PPIL4: variants seen among roughly 807,000 people sequenced by gnomAD.
PPIL4 encodes peptidyl-prolyl cis-trans isomerase-like 4.
Under a neutral mutation model 69.1 loss-of-function variants are expected in PPIL4, and 50 were observed. The ratio of observed to expected loss-of-function variants is 0.72; its 90% CI spans 0.58 to 0.92. The LOEUF is 0.92. PPIL4 is among the 40% of genes least tolerant of loss of function. PPIL4 has a pLI of 0.00. For missense variants in PPIL4, 480 were observed against 587.9 expected, an observed-to-expected ratio of 0.82 and a Z score of 1.90; for synonymous variants, 193 against 191.6, an observed-to-expected ratio of 1.01 and a Z score of -0.06.
chr6:149,508,012 G>A (rs781270677), intron 12 of PPIL4, among the ~76,000 whole-genome samples: 2 of 152,182 alleles, frequency 1.3e-5, no homozygotes, highest in Non-Finnish European at 2.9e-5. Context: ...ATGTATGAAG[G>A]GGAAAAGTTA....
chr6:149,523,890 C>A (rs1198916501), intron 9 of PPIL4, among the ~76,000 whole-genome samples: 1 of 152,198 alleles, frequency 6.6e-6, no homozygotes. Flanking sequence ...GGTCTTTCTG[C>A]TGGCACCAAT....
intron 12 of PPIL4, among the ~76,000 whole-genome samples, chr6:149,509,334 C>G (rs1776808683): frequency 6.6e-6 from 1 of 151,724 alleles, no homozygotes; most frequent in Non-Finnish European, 1.5e-5. Flanking sequence ...AAGACTCACA[C>G]AAAAAAAACA....
chr6:149,539,188 TATG>T (rs1777323967), intron 4 of PPIL4, among the ~76,000 whole-genome samples: 1 of 152,174 alleles, frequency 6.6e-6, no homozygotes, highest in Non-Finnish European at 1.5e-5. Context: ...GTGAAGATGC[TATG>T]ATAACTGTTG....
rs887560777 is a variant in PPIL4 at position 149,505,205 on chromosome 6, T to C, written c.*248A>G. The C allele has an allele frequency of 2.8e-6, 1 of 359,790 alleles. No individual in the cohort carries two copies. The highest frequency in any genetic ancestry group is 2.1e-5 in the African/African-American group (1 of 47,030). The allele number at this position is 359,790 out of a possible 1,614,324, so 22.3% of individuals were successfully genotyped here. A position where few individuals can be genotyped will look rare whatever the true frequency, so the allele number is the denominator to read the frequency against. ...TACTTCATTAAAAAAAGAGTGAAAA[T>C]GTAAGACTTCAAAAATGAAGACTAC... is the stretch of plus-strand genomic sequence containing the variant. On this transcript the variant is annotated 3_prime_UTR_variant, in exon 13 of 13. Coordinates refer to ENST00000253329, the MANE Select transcript of PPIL4 (RefSeq NM_139126.4).
At chr6:149,532,437 T>C (rs946670680) in intron 7 of PPIL4, among the ~76,000 whole-genome samples, 15 of 152,244 alleles carry the variant, frequency 9.9e-5, no homozygotes, top group Non-Finnish European at 1.3e-4. Flanking sequence ...CTTTCAAGTG[T>C]AGTAATTCTC....
chr6:149,514,601 C>T (rs966545609), intron 11 of PPIL4, among the ~76,000 whole-genome samples: 17 of 152,060 alleles, frequency 1.1e-4, no homozygotes, highest in African/African-American at 3.9e-4. Flanking sequence ...GGATTACAGG[C>T]ATGAGCCACT....
chr6:149,536,704 G>A (rs1200521108), intron 4 of PPIL4, among the ~76,000 whole-genome samples: 2 of 149,190 alleles, frequency 1.3e-5, no homozygotes, highest in East Asian at 3.9e-4. Context: ...TGAAGTTTAA[G>A]GAAAGAGGCC....
intron 9 of PPIL4, among the ~76,000 whole-genome samples, chr6:149,524,437 G>A (rs899734841): frequency 2.0e-5 from 3 of 152,168 alleles, no homozygotes; most frequent in Admixed American, 1.3e-4. Flanking sequence ...AGAAAGAACG[G>A]TTAACTAAAC....
intron 4 of PPIL4, among the ~76,000 whole-genome samples, chr6:149,539,376 G>A (rs372462796): frequency 2.1e-4 from 32 of 152,052 alleles, no homozygotes; most frequent in African/African-American, 7.5e-4. Context: ...GCAGACTTCT[G>A]TTGTCTTATT....
chr6:149,534,827 CTATTT>C (rs929248917), intron 5 of PPIL4, 53 bp from the exon 6 acceptor site: 35 of 1,099,220 alleles, frequency 3.2e-5, no homozygotes, highest in South Asian at 9.2e-5. Flanking sequence ...TTTCAGAATC[CTATTT>C]TATTTTAATA....
intron 11 of PPIL4, among the ~76,000 whole-genome samples, chr6:149,513,412 A>AAAAAAAAAAAAAT (rs1554215970): frequency 1.8e-5 from 1 of 55,326 alleles, no homozygotes; most frequent in Non-Finnish European, 3.0e-5. Context: ...AAAAAAAAAA[A>AAAAAAAAAAAAAT]ATATATATAT....
Position 149,505,229 on chromosome 6 carries a change from A to G in PPIL4, c.*224T>C. 2 of 414,992 alleles carry G rather than the reference A, an allele frequency of 4.8e-6. No individual in the cohort carries two copies. 25.7% of individuals were successfully genotyped at this position (414,992 alleles called of 1,614,324 possible). ...ATGTAAGACTTCAAAAATGAAGACT[A>G]CCATTTATGTATAACAATAAAATTA... On this transcript the variant is annotated 3_prime_UTR_variant, in exon 13 of 13. Transcript: ENST00000253329.
intron 1 of PPIL4, among the ~76,000 whole-genome samples, chr6:149,542,557 G>GCTTA (rs1419509814): frequency 6.6e-6 from 1 of 152,138 alleles, no homozygotes; most frequent in African/African-American, 2.4e-5. Context: ...CCCTCAAAAA[G>GCTTA]CTTACATTAA....
At chr6:149,505,886 G>T (rs956665684) in intron 12 of PPIL4, among the ~76,000 whole-genome samples, 182 bp from the exon 13 acceptor site, 1 of 152,146 alleles carries the variant, frequency 6.6e-6, no homozygotes. Flanking sequence ...TCAGAAAAAG[G>T]TTTAACAACG....
intron 8 of PPIL4, 116 bp from the exon 9 acceptor site, chr6:149,525,325 C>A: frequency 3.6e-6 from 2 of 549,258 alleles, no homozygotes; most frequent in South Asian, 2.6e-5. Context: ...AAGTTAAATT[C>A]ATAGATTATT....
intron 8 of PPIL4, among the ~76,000 whole-genome samples, chr6:149,525,891 G>C (rs549358740): frequency 6.6e-6 from 1 of 152,250 alleles, no homozygotes; most frequent in Admixed American, 6.5e-5. Context: ...ACAAGGTCAG[G>C]AGCTCGAGAC....
At chr6:149,513,334 G>A (rs1334468706) in intron 11 of PPIL4, among the ~76,000 whole-genome samples, 8 of 131,870 alleles carry the variant, frequency 6.1e-5, no homozygotes, top group African/African-American at 1.7e-4. Flanking sequence ...TTTGTGAGCC[G>A]AGGTTGCACT....
rs182975775 is a variant in PPIL4, at chr6:149,535,280, C to T, written c.464+316G>A. 9.2e-4 allele frequency among the ~76,000 whole-genome samples: 140 copies of T among 152,212 alleles called. 1 individual carries two copies. Among genetic ancestry groups the T allele is most frequent in the South Asian group, 2.3e-3 (11 of 4,828 alleles). ...CTAAGGCAGGAGAATGGTGTGAACCCGGGAGACAGAGCTTGCAGTGAGCCA... is the reference window on the plus strand; with the variant it reads ...CTAAGGCAGGAGAATGGTGTGAACCTGGGAGACAGAGCTTGCAGTGAGCCA... On this transcript the variant is annotated intron_variant, in intron 5 of 12. Transcript: ENST00000253329.
chr6:149,520,996 GA>G, intron 10 of PPIL4, 63 bp downstream of exon 10: 1 of 864,366 alleles, frequency 1.2e-6, no homozygotes, highest in Non-Finnish European at 1.9e-6. Context: ...CTGGGCAACA[GA>G]GCGAGACTCC....
Sources: allele counts gnomAD v4.1 joint callset (sites outside exome capture counted in the v4.1 genomes callset), GRCh38; gene constraint gnomAD v4.1.1; transcripts MANE v1.5; gene names NCBI Gene and HGNC (gene_info 2026-07-23, HGNC 2026-07-21).